Variants in PSD2 observed in about 807,000 individuals in gnomAD.
The protein encoded by PSD2 is PH and SEC7 domain-containing protein 2.
In PSD2, 38 loss-of-function variants were observed where a neutral mutation model predicts 69.8. That is an observed-to-expected ratio of 0.54 (90% CI 0.42 to 0.71). The LOEUF is 0.71. PSD2 is among the 30% of genes least tolerant of loss of function. The pLI, the probability that PSD2 is intolerant of heterozygous loss-of-function variation, is 0.00. For synonymous variants in PSD2, 412 were observed against 423.0 expected (o/e 0.97, Z 0.32); for missense variants, 943 against 1,014.5 (o/e 0.93, Z 0.96).
At chr5:139,747,004 G>A in the PSD2 span, among the ~76,000 whole-genome samples, 5 of 152,120 alleles carry the variant, frequency 3.3e-5, no homozygotes, top group Admixed American at 6.5e-5. This position sits in a 1 kb window ranked among gnomAD's most constrained non-coding sequence, Gnocchi z 6.7. Flanking sequence ...CCCCTCGCCC[G>A]GTCCTTCGCC....
rs76915112 is a variant in PSD2 at position 139,838,625 on chromosome 5, C to T, written c.1824-3C>T. 54 of 1,611,696 alleles carry T rather than the reference C, an allele frequency of 3.4e-5. No homozygotes were observed. The East Asian group carries it at 1.2e-3, about 36-fold the overall frequency. On this transcript the variant is annotated splice_polypyrimidine_tract_variant and splice_region_variant and intron_variant, in intron 12 of 14. Transcript: ENST00000274710. ...CGGCACCCTCTCCCCCTCCTGTCCC[C>T]AGGAGCAAGGAAGAAATGCTGTCCT...
At chr5:139,760,358 T>C in the PSD2 span, among the ~76,000 whole-genome samples, 1 of 152,180 alleles carries the variant, frequency 6.6e-6, no homozygotes, top group Non-Finnish European at 1.5e-5. Context: ...GGTGGAAACT[T>C]GACCTGGTGC....
In PSD2 at chr5:139,814,196, C is replaced by T; in HGVS notation, c.848C>T (p.Ser283Leu). ...GACCCCAGCCTGAAGGATGGCCTGT[C>T]AGACTCAGACTCTGAGCTCAGCAGC... ...ASDPSLKDGL[S>L]DSDSELSSSE... is the part of the protein sequence containing the mutation. Residue 283 changes from serine (S) to leucine (L), a missense_variant, in exon 4 of 15, where the codon TCA becomes TTA. Around this residue, in one of 3 missense-constraint regions of PSD2, gnomAD observed 466 missense variants for 445.0 expected, o/e 1.05. Transcript: ENST00000274710. This position sits in a 1 kb window ranked among gnomAD's most constrained non-coding sequence, Gnocchi z 4.4. 3 of 1,613,636 alleles carry T rather than the reference C, an allele frequency of 1.9e-6. No homozygotes were observed. Among genetic ancestry groups the T allele is most frequent in the South Asian group, 1.1e-5 (1 of 90,980 alleles).
the PSD2 span, among the ~76,000 whole-genome samples, chr5:139,774,939 C>A: frequency 1.3e-5 from 2 of 152,090 alleles, no homozygotes; most frequent in Non-Finnish European, 2.9e-5. Flanking sequence ...CACATGGAGG[C>A]GTGGAGTGTG....
upstream of PSD2, among the ~76,000 whole-genome samples, chr5:139,795,041 T>A (rs1187719606): frequency 6.6e-6 from 1 of 152,086 alleles, no homozygotes; most frequent in Non-Finnish European, 1.5e-5. The surrounding 1 kb of genome is among the most constrained non-coding windows in gnomAD (Gnocchi z 4.5). Flanking sequence ...TCTCTCTCTG[T>A]CTCCTTATAT....
chr5:139,781,395 G>A, the PSD2 span, among the ~76,000 whole-genome samples: 1 of 151,846 alleles, frequency 6.6e-6, no homozygotes, highest in African/African-American at 2.4e-5. Flanking sequence ...GAGTGCAGTG[G>A]TGCAATCTTG....
intron 14 of PSD2, 63 bp downstream of exon 14, chr5:139,840,233 C>T: frequency 5.1e-6 from 8 of 1,578,930 alleles, no homozygotes; most frequent in Middle Eastern, 2.1e-4. Context: ...CCTGCCTGGC[C>T]TGATGTGGGA....
chr5:139,836,998 A>T lies in PSD2; in HGVS notation c.1591A>T (p.Arg531Trp). 2 of 1,611,468 alleles carry T rather than the reference A, an allele frequency of 1.2e-6. No individual in the cohort carries two copies. The highest frequency in any genetic ancestry group is 1.7e-6 in the Non-Finnish European group (2 of 1,178,278). Residue 531 changes from arginine to tryptophan, a missense_variant, in exon 10 of 15, where the codon AGG becomes TGG. By Grantham distance (101) the Arg-to-Trp change is moderately radical. This residue lies in a region of PSD2 where 312 missense variants were observed against 400.7 expected (regional missense o/e 0.78). Transcript: ENST00000274710. ...GACTCACGCTGACATGGATGGCAAG[A>T]GGAGTGGGTGTCAGGCTGGGAGAGG... ...RKTHADMDGK[R>W]TPRGRRGWKK...
intron 7 of PSD2, among the ~76,000 whole-genome samples, chr5:139,826,384 G>C (rs1760421017): frequency 6.6e-6 from 1 of 152,228 alleles, no homozygotes. Context: ...CTGCAGGAGA[G>C]AGAAGGGACA....
At chr5:139,747,865 C>A in the PSD2 span, among the ~76,000 whole-genome samples, 2 of 152,204 alleles carry the variant, frequency 1.3e-5, no homozygotes, top group Admixed American at 6.5e-5. The surrounding 1 kb of genome is among the most constrained non-coding windows in gnomAD (Gnocchi z 6.7). Context: ...GGCGGCAGAG[C>A]GCGGTGCGCG....
intron 7 of PSD2, among the ~76,000 whole-genome samples, chr5:139,828,672 CT>C (rs1760493232): frequency 6.6e-6 from 1 of 152,236 alleles, no homozygotes; most frequent in Non-Finnish European, 1.5e-5. Context: ...CCTCATCCTG[CT>C]TCTGAAATGA....
rs775998845 is a variant in PSD2 at position 139,814,180 on chromosome 5, C to T, written c.832C>T (p.Leu278=). ...KLLNSASDPS[L]KDGLSDSDSE... ...ACCTTCCATCTGCAGTGACCCCAGC[C>T]TGAAGGATGGCCTGTCAGACTCAGA... is the stretch of plus-strand genomic sequence containing the variant. Residue 278 remains leucine, a synonymous_variant, in exon 4 of 15, where the codon CTG becomes TTG. Coordinates refer to ENST00000274710, the MANE Select transcript of PSD2 (RefSeq NM_032289.4). The surrounding 1 kb of genome is among the most constrained non-coding windows in gnomAD (Gnocchi z 4.4). 6.2e-7 allele frequency: 1 copy of T among 1,613,470 alleles called. No individual in the cohort carries two copies. Among genetic ancestry groups the T allele is most frequent in the South Asian group, 1.1e-5 (1 of 90,972 alleles).
chr5:139,767,888 G>A, the PSD2 span, among the ~76,000 whole-genome samples: 1 of 152,236 alleles, frequency 6.6e-6, no homozygotes, highest in African/African-American at 2.4e-5. Context: ...CCAGCTCACA[G>A]GCAGAGTGAC....
chr5:139,809,313 A>G (rs1759889781), intron 1 of PSD2, 78 bp from the exon 2 acceptor site: 1 of 1,153,852 alleles, frequency 8.7e-7, no homozygotes, highest in Non-Finnish European at 1.2e-6. Context: ...CTGCTCTGCC[A>G]CTGGTTCTGC....
At chr5:139,788,971 A>G in the PSD2 span, among the ~76,000 whole-genome samples, 2 of 151,896 alleles carry the variant, frequency 1.3e-5, no homozygotes, top group East Asian at 3.9e-4. Context: ...AGTCCTCCCC[A>G]CGCTCCCTCC....
upstream of PSD2, among the ~76,000 whole-genome samples, chr5:139,793,914 G>T (rs979840457): frequency 6.6e-6 from 1 of 152,210 alleles, no homozygotes; most frequent in South Asian, 2.1e-4. Context: ...AGGTGGTCCA[G>T]CTGTGACTTG....
At chr5:139,818,238 T>C (rs531469555) in intron 5 of PSD2, among the ~76,000 whole-genome samples, 1 of 152,272 alleles carries the variant, frequency 6.6e-6, no homozygotes, top group Admixed American at 6.5e-5. Flanking sequence ...ACATGTCTCT[T>C]ACACTTTAAA....
chr5:139,817,302 C>T (rs979603121), intron 4 of PSD2, among the ~76,000 whole-genome samples, 179 bp from the exon 5 acceptor site: 2 of 152,142 alleles, frequency 1.3e-5, no homozygotes, highest in African/African-American at 4.8e-5. Context: ...CTCCAGAAAG[C>T]CTTCCTGACA....
chr5:139,778,947 A>G, the PSD2 span, among the ~76,000 whole-genome samples: 1 of 109,104 alleles, frequency 9.2e-6, no homozygotes. Context: ...AAAAAAAACA[A>G]AAAAAAAAAA....
Sources: gnomAD v4.1 joint callset for allele counts (sites outside exome capture counted in the v4.1 genomes callset) on GRCh38, gnomAD v4.1.1 for gene constraint, gnomAD v4.1.1 regional missense constraint, Gnocchi (gnomAD v3.1) non-coding constraint, MANE v1.5 for transcripts, NCBI Gene and HGNC (gene_info 2026-07-23, HGNC 2026-07-21) for gene names.